Variants in KATNIP observed in about 807,000 individuals in gnomAD.
KATNIP encodes the protein katanin-interacting protein.
KATNIP carries 126 observed loss-of-function variants against 174.0 expected under a neutral mutation model. The observed-to-expected ratio is 0.72, with a 90% confidence interval of 0.63 to 0.84. The LOEUF (loss-of-function observed/expected upper bound fraction) is 0.84, where lower values mean the gene tolerates loss of function less well. Among genes scored for constraint, KATNIP ranks in the 40% least tolerant of loss-of-function variants. The pLI, the probability that KATNIP is intolerant of heterozygous loss-of-function variation, is 0.00. For missense variants in KATNIP, 1,958 were observed against 2,109.7 expected (o/e 0.93, Z 1.41); for synonymous variants, 810 against 835.7 (o/e 0.97, Z 0.53).
intron 20 of KATNIP, among the ~76,000 whole-genome samples, chr16:27,767,781 G>A (rs1597411990): frequency 6.6e-6 from 1 of 152,166 alleles, no homozygotes; most frequent in East Asian, 1.9e-4. Flanking sequence ...GGCCCTCCCC[G>A]TGTAGCAGGA....
At chr16:27,557,142 ATT>A (rs369925365) in intron 1 of KATNIP, among the ~76,000 whole-genome samples, 11 of 137,852 alleles carry the variant, frequency 8.0e-5, no homozygotes, top group African/African-American at 8.0e-5. Flanking sequence ...TGTGAAGTTG[ATT>A]TTTTTTTTTT....
At chr16:27,778,023 A>T (rs2082564909) in intron 27 of KATNIP, 54 bp downstream of exon 27, 1 of 1,526,364 alleles carries the variant, frequency 6.6e-7, no homozygotes, top group African/African-American at 1.4e-5. Context: ...CGGTCTGAAT[A>T]TAGAAGGAGC....
Position 27,648,732 on chromosome 16 carries a change from G to T in KATNIP, c.537G>T (p.Pro179=), listed in dbSNP as rs374427375. 1.2e-6 allele frequency: 2 copies of T among 1,612,982 alleles called. No homozygotes were observed. Among genetic ancestry groups the T allele is most frequent in the Non-Finnish European group, 8.5e-7 (1 of 1,179,516 alleles). The change falls in exon 6 of 28, where the codon CCG becomes CCT. Residue 179 remains proline, a synonymous_variant. Transcript: ENST00000261588. ...LQANNTSEDR[P]QELRRSLELS... ...CAAACAACACTTCTGAGGATCGTCC[G>T]CAGGTAGGGATGGCCTTGGCCTTGT...
intron 14 of KATNIP, among the ~76,000 whole-genome samples, chr16:27,734,717 A>T (rs537231173): frequency 6.6e-6 from 1 of 152,236 alleles, no homozygotes; most frequent in East Asian, 1.9e-4. Flanking sequence ...AAAAATTTAA[A>T]AAAGGGTAGG....
At position 27,740,499 on chromosome 16, in the gene KATNIP, A is replaced by G. The variant is rs748360436; in HGVS notation, c.2202A>G (p.Gln734=). Reference sequence around the variant, plus strand: ...TCCATGAGGAGCCCTCTCTCATCCAACAACTGGAAAACCTCATGGGCAGAA... The same window carrying G: ...TCCATGAGGAGCCCTCTCTCATCCAGCAACTGGAAAACCTCATGGGCAGAA... ...PPVHEEPSLI[Q]QLENLMGRKI... is the part of the protein sequence containing the mutation. The change falls in exon 15 of 28, where the codon CAA becomes CAG. Residue 734 remains glutamine (Q), a synonymous_variant. Coordinates refer to ENST00000261588, the MANE Select transcript of KATNIP (RefSeq NM_015202.5). 6.2e-7 allele frequency: 1 copy of G among 1,614,136 alleles called. No individual in the cohort carries two copies. The highest frequency in any genetic ancestry group is 2.2e-5 in the East Asian group (1 of 44,878).
chr16:27,757,500 C>T, intron 18 of KATNIP: 2 of 985,358 alleles, frequency 2.0e-6, no homozygotes, highest in Non-Finnish European at 2.4e-6. Flanking sequence ...AAAGATGCTG[C>T]CTGTAGATGT....
intron 22 of KATNIP, 136 bp downstream of exon 22, chr16:27,771,788 T>A (rs1006364833): frequency 9.5e-6 from 8 of 846,344 alleles, no homozygotes; most frequent in Admixed American, 2.4e-5. Flanking sequence ...AGGCAGAGGA[T>A]AGGAGGCCTC....
At chr16:27,743,392 C>T (rs897021025) in intron 15 of KATNIP, among the ~76,000 whole-genome samples, 1 of 152,108 alleles carries the variant, frequency 6.6e-6, no homozygotes, top group Non-Finnish European at 1.5e-5. Context: ...GAACAAGTTC[C>T]TCAGACTCCA....
In KATNIP at chr16:27,603,356, AT is replaced by A. The variant is rs563448838; in HGVS notation, c.64-15068del. On this transcript the variant is annotated intron_variant, in intron 2 of 27. Coordinates refer to ENST00000261588, the MANE Select transcript of KATNIP (RefSeq NM_015202.5). ...GGGAAGGGCTATTATTATTTAAACG[AT>A]AAACTAAATTTTCTCAAAGTTAGCT... 4.3e-4 allele frequency among the ~76,000 whole-genome samples: 66 copies of A among 152,338 alleles called. 1 individual carries two copies. The highest frequency in any genetic ancestry group is 1.6e-3 in the African/African-American group (65 of 41,590).
At chr16:27,737,625 C>A (rs899058009) in intron 14 of KATNIP, among the ~76,000 whole-genome samples, 4 of 152,086 alleles carry the variant, frequency 2.6e-5, no homozygotes, top group African/African-American at 9.7e-5. Context: ...GAAAAGGAAG[C>A]AACCCAGGAG....
chr16:27,728,733 A>G (rs2080546307), intron 14 of KATNIP, among the ~76,000 whole-genome samples: 2 of 152,222 alleles, frequency 1.3e-5, no homozygotes, highest in Non-Finnish European at 2.9e-5. Flanking sequence ...GCCCAGCCAC[A>G]TTCAGCCTTT....
intron 2 of KATNIP, among the ~76,000 whole-genome samples, chr16:27,580,833 G>A (rs1445798603): frequency 3.3e-5 from 5 of 150,936 alleles, no homozygotes; most frequent in Non-Finnish European, 7.4e-5. Context: ...TTCTTTACTC[G>A]AAACATTTAA....
At chr16:27,663,589 C>T (rs2077592292) in intron 6 of KATNIP, among the ~76,000 whole-genome samples, 1 of 151,714 alleles carries the variant, frequency 6.6e-6, no homozygotes, top group East Asian at 1.9e-4. Context: ...GCTGGGACTA[C>T]AGGCATGTGT....
intron 5 of KATNIP, among the ~76,000 whole-genome samples, chr16:27,642,579 C>G (rs1245721648): frequency 2.6e-5 from 4 of 152,112 alleles, no homozygotes; most frequent in Non-Finnish European, 4.4e-5. Context: ...CCGGGTAGTG[C>G]TTTCCCTCCA....
In KATNIP at chr16:27,681,395, A is replaced by G. The variant is rs889588487; in HGVS notation, c.809-4A>G. On this transcript the variant is annotated splice_polypyrimidine_tract_variant and splice_region_variant and intron_variant, in intron 7 of 27. Coordinates refer to ENST00000261588, the MANE Select transcript of KATNIP (RefSeq NM_015202.5). Reference sequence around the variant, plus strand: ...TCTTACATGAAACAATTGTTTTCCTACAGGTCATAAAAGGGAAAGGAATTT... The same window carrying G: ...TCTTACATGAAACAATTGTTTTCCTGCAGGTCATAAAAGGGAAAGGAATTT... 1.2e-6 allele frequency: 2 copies of G among 1,614,148 alleles called. No individual in the cohort carries two copies. The highest frequency in any genetic ancestry group is 1.7e-6 in the Non-Finnish European group (2 of 1,180,000).
In KATNIP at chr16:27,778,563, T is replaced by C. The variant is rs1486388416; in HGVS notation, c.4802-11T>C. The C allele has an allele frequency of 6.2e-7, 1 of 1,613,316 alleles. No individual in the cohort carries two copies. Among genetic ancestry groups the C allele is most frequent in the African/African-American group, 1.3e-5 (1 of 75,030 alleles). ...TAGTAACTCTGGTCCCTCTGTTCCCTGTCATGACAGCCTTACGTCCCAAAA... is the reference window on the plus strand; with the variant it reads ...TAGTAACTCTGGTCCCTCTGTTCCCCGTCATGACAGCCTTACGTCCCAAAA... On this transcript the variant is annotated splice_polypyrimidine_tract_variant and intron_variant, in intron 27 of 27. Coordinates refer to ENST00000261588, the MANE Select transcript of KATNIP (RefSeq NM_015202.5).
In KATNIP at chr16:27,740,876, A is replaced by G. The variant is rs1467313389; in HGVS notation, c.2579A>G (p.Asp860Gly). The G allele has an allele frequency of 2.5e-6, 4 of 1,607,442 alleles. No homozygotes were observed. The highest frequency in any genetic ancestry group is 3.4e-6 in the Non-Finnish European group (4 of 1,177,216). The change falls in exon 15 of 28, where the codon GAT (aspartate) becomes GGT (glycine). Residue 860 changes from aspartate (D) to glycine (G), a missense_variant. Asp to Gly is a moderately conservative substitution (Grantham distance 94). This residue lies in a region of KATNIP where 1,557 missense variants were observed against 1,617.8 expected (regional missense o/e 0.96). Transcript: ENST00000261588. ...PASGRRGSRK[D>G]AGSSSHGDDQ... ...AGTGGGAGGAGGGGCTCAAGGAAGG[A>G]TGCTGGCAGCAGTAGTCATGGGGAC...
intron 8 of KATNIP, among the ~76,000 whole-genome samples, chr16:27,682,360 C>A (rs1007775535): frequency 6.6e-6 from 1 of 152,208 alleles, no homozygotes; most frequent in African/African-American, 2.4e-5. Context: ...AGACGAGGAA[C>A]TGAGGCACAC....
At chr16:27,683,645 G>A (rs563932793) in intron 8 of KATNIP, among the ~76,000 whole-genome samples, 22 of 152,284 alleles carry the variant, frequency 1.4e-4, no homozygotes, top group African/African-American at 4.3e-4. Context: ...AAAGTCTGGC[G>A]AATTTTGATT....
Sources: gnomAD v4.1 joint callset for allele counts (sites outside exome capture counted in the v4.1 genomes callset) on GRCh38, gnomAD v4.1.1 for gene constraint, gnomAD v4.1.1 regional missense constraint, MANE v1.5 for transcripts, NCBI Gene and HGNC (gene_info 2026-07-23, HGNC 2026-07-21) for gene names.